The following CCDC148 variants were observed in gnomAD, a reference collection of about 807,000 sequenced individuals.
CCDC148 encodes coiled-coil domain-containing protein 148.
A neutral mutation model predicts 85.7 loss-of-function variants in CCDC148; 89 were observed. The observed-to-expected ratio is 1.04, with a 90% CI of 0.87 to 1.24. The LOEUF is 1.24. Among genes scored for constraint, CCDC148 ranks in the 50% most tolerant of loss-of-function variants. CCDC148 has a pLI of 0.00. For synonymous variants in CCDC148, 230 were observed against 213.9 expected (o/e 1.08, Z -0.66); for missense variants, 692 against 671.7 (o/e 1.03, Z -0.33).
chr2:158,231,274 T>A (rs774056882), intron 10 of CCDC148, among the ~76,000 whole-genome samples: 47 of 152,166 alleles, frequency 3.1e-4, no homozygotes, highest in Non-Finnish European at 6.0e-4. Flanking sequence ...ATGACTTAAT[T>A]TCCCTCTTCC....
intron 2 of CCDC148, among the ~76,000 whole-genome samples, chr2:158,345,921 TC>T (rs1047980442): frequency 1.3e-5 from 2 of 152,234 alleles, no homozygotes; most frequent in African/African-American, 4.8e-5. Flanking sequence ...TTTTAGTCTT[TC>T]AACTCTAAGT....
chr2:158,346,591 C>T (rs1042914413), intron 2 of CCDC148, among the ~76,000 whole-genome samples: 4 of 152,158 alleles, frequency 2.6e-5, no homozygotes, highest in Non-Finnish European at 4.4e-5. Flanking sequence ...TGTCTGTTCC[C>T]TGGTTAGACT....
intron 1 of CCDC148, among the ~76,000 whole-genome samples, chr2:158,371,322 G>A (rs755751239): frequency 6.6e-6 from 1 of 151,840 alleles, no homozygotes; most frequent in Non-Finnish European, 1.5e-5. Flanking sequence ...TATTCACCAC[G>A]TCATTTTTTA....
At chr2:158,279,921 G>A (rs1230215298) in intron 9 of CCDC148, among the ~76,000 whole-genome samples, 5 of 151,536 alleles carry the variant, frequency 3.3e-5, no homozygotes, top group East Asian at 3.9e-4. Context: ...GACTAACAGC[G>A]GATCTCTCGG....
chr2:158,341,824 CA>C (rs1291131663), intron 3 of CCDC148, among the ~76,000 whole-genome samples: 5 of 150,328 alleles, frequency 3.3e-5, no homozygotes, highest in Admixed American at 2.0e-4. Context: ...TTAATTTTTC[CA>C]GATAAGTTTC....
intron 9 of CCDC148, among the ~76,000 whole-genome samples, chr2:158,307,421 T>C (rs1029982201): frequency 6.6e-6 from 1 of 152,158 alleles, no homozygotes; most frequent in African/African-American, 2.4e-5. Context: ...GCAATACCAA[T>C]GTTGGGGAAG....
At chr2:158,271,752 A>G (rs771595832) in intron 9 of CCDC148, among the ~76,000 whole-genome samples, 2 of 152,176 alleles carry the variant, frequency 1.3e-5, no homozygotes, top group Non-Finnish European at 2.9e-5. Context: ...TTAGGCATCT[A>G]CTGGGGGTCT....
intron 7 of CCDC148, among the ~76,000 whole-genome samples, chr2:158,331,027 T>C (rs867393629): frequency 3.2e-4 from 49 of 152,322 alleles, no homozygotes; most frequent in Middle Eastern, 6.8e-3. Context: ...GCTCTGATTT[T>C]CGTTATTTCT....
chr2:158,425,219 G>A (rs981112367), intron 1 of CCDC148: 1 of 536,682 alleles, frequency 1.9e-6, no homozygotes. Flanking sequence ...ATGCACAGGT[G>A]TATGCAGACT....
Position 158,358,460 on chromosome 2 carries a change from C to T in CCDC148, c.136G>A (p.Ala46Thr). ...TEAKKLASAS[A>T]KLKIRKAMLT... is the part of the protein sequence containing the mutation. The stretch of plus-strand genomic sequence containing the variant: ...ACACAACTTCTAACCTTTAGCTTTG[C>T]AGAGGCAGAAGCCAATTTCTTTGCT... The change falls in exon 2 of 14, where the codon GCA (alanine) becomes ACA (threonine). Residue 46 changes from alanine to threonine, a missense_variant. Physicochemically the swap from Ala to Thr is moderately conservative, Grantham distance 58. Coordinates refer to ENST00000283233, the MANE Select transcript of CCDC148 (RefSeq NM_138803.4). The T allele has an allele frequency of 6.2e-7, 1 of 1,605,724 alleles. No homozygotes were observed.
intron 9 of CCDC148, among the ~76,000 whole-genome samples, chr2:158,304,337 A>T (rs1418348001): frequency 1.3e-5 from 2 of 152,058 alleles, no homozygotes; most frequent in Admixed American, 1.3e-4. Context: ...GTTGATACTG[A>T]CCCTTGATCT....
intron 1 of CCDC148, among the ~76,000 whole-genome samples, chr2:158,440,607 C>G (rs915492863): frequency 6.6e-6 from 1 of 152,054 alleles, no homozygotes; most frequent in Non-Finnish European, 1.5e-5. Context: ...AAATTAGGCA[C>G]AGTAAAAGAT....
chr2:158,254,943 C>G (rs2105145909), intron 9 of CCDC148, among the ~76,000 whole-genome samples: 1 of 149,990 alleles, frequency 6.7e-6, no homozygotes, highest in African/African-American at 2.4e-5. Context: ...TTTAATTTAC[C>G]CTTCCCTGTC....
chr2:158,350,307 C>A (rs551557222), intron 2 of CCDC148, among the ~76,000 whole-genome samples: 1 of 152,096 alleles, frequency 6.6e-6, no homozygotes, highest in African/African-American at 2.4e-5. Flanking sequence ...CTGATTTTAA[C>A]ACTCAACCAT....
At chr2:158,261,648 A>G (rs546826449) in intron 9 of CCDC148, among the ~76,000 whole-genome samples, 1 of 151,782 alleles carries the variant, frequency 6.6e-6, no homozygotes, top group African/African-American at 2.4e-5. Context: ...TCCAGCATCT[A>G]TAAGGAACTT....
At chr2:158,304,732 C>A (rs1397311836) in intron 9 of CCDC148, among the ~76,000 whole-genome samples, 1 of 152,066 alleles carries the variant, frequency 6.6e-6, no homozygotes, top group Non-Finnish European at 1.5e-5. Flanking sequence ...TTTTCCTGAA[C>A]TCATCAGAGA....
intron 9 of CCDC148, among the ~76,000 whole-genome samples, chr2:158,268,081 A>C (rs72995458): frequency 0.047 from 7,092 of 152,262 alleles, 276 homozygotes; most frequent in African/African-American, 0.11. Flanking sequence ...TTGTGTGAAC[A>C]TAAGTTTTTA....
At chr2:158,226,878 C>T (rs1255305978) in intron 10 of CCDC148, among the ~76,000 whole-genome samples, 3 of 152,050 alleles carry the variant, frequency 2.0e-5, no homozygotes, top group Admixed American at 6.5e-5. Flanking sequence ...TGGAAGCATT[C>T]CCTTTGAAAA....
chr2:158,298,518 T>C (rs747364973), intron 9 of CCDC148, among the ~76,000 whole-genome samples: 110 of 152,166 alleles, frequency 7.2e-4, no homozygotes, highest in Non-Finnish European at 1.1e-3. Flanking sequence ...TCCACACCTC[T>C]CTTATGTTAT....
Sources: allele counts gnomAD v4.1 joint callset (sites outside exome capture counted in the v4.1 genomes callset), GRCh38; gene constraint gnomAD v4.1.1; transcripts MANE v1.5; gene names NCBI Gene and HGNC (gene_info 2026-07-23, HGNC 2026-07-21).